The following KIF16B variants were observed in gnomAD, a reference collection of about 807,000 sequenced individuals.
KIF16B encodes the protein kinesin-like protein KIF16B.
KIF16B carries 98 observed loss-of-function variants against 156.3 expected under a neutral mutation model. That is an observed-to-expected ratio of 0.63 (90% CI 0.53 to 0.74). The LOEUF (loss-of-function observed/expected upper bound fraction) is 0.74. Ranked by LOEUF, KIF16B falls within the 30% of genes least tolerant of loss-of-function variation. The pLI is 0.00. For missense variants in KIF16B, 1,421 were observed against 1,606.5 expected, an observed-to-expected ratio of 0.88 and a Z score of 1.97; for synonymous variants, 564 against 583.7, an observed-to-expected ratio of 0.97 and a Z score of 0.49.
chr20:16,403,639 T>C (rs890522052), intron 17 of KIF16B, among the ~76,000 whole-genome samples: 1 of 152,166 alleles, frequency 6.6e-6, no homozygotes, highest in Non-Finnish European at 1.5e-5. Context: ...CTGTACTACA[T>C]GGCTTTTTTT....
intron 1 of KIF16B, among the ~76,000 whole-genome samples, chr20:16,556,710 C>T (rs2070863593): frequency 1.3e-5 from 2 of 152,164 alleles, no homozygotes; most frequent in South Asian, 4.1e-4. Context: ...ATGTTCCAGG[C>T]ATGCTCCTGA....
intron 15 of KIF16B, among the ~76,000 whole-genome samples, chr20:16,425,615 T>C (rs1429125565): frequency 6.6e-6 from 1 of 152,030 alleles, no homozygotes; most frequent in Non-Finnish European, 1.5e-5. Flanking sequence ...TACTTACTAA[T>C]AACAAAGAAG....
intron 3 of KIF16B, among the ~76,000 whole-genome samples, chr20:16,520,516 G>A (rs1600611409): frequency 6.6e-6 from 1 of 152,330 alleles, no homozygotes; most frequent in East Asian, 1.9e-4. Flanking sequence ...TGAAAGAAAG[G>A]CAGTAGCCCC....
intron 12 of KIF16B, among the ~76,000 whole-genome samples, chr20:16,487,659 A>G (rs189326326): frequency 2.1e-4 from 32 of 152,358 alleles, no homozygotes; most frequent in African/African-American, 7.0e-4. Flanking sequence ...GCCGGAAAAG[A>G]ATCCCAATTT....
intron 12 of KIF16B, among the ~76,000 whole-genome samples, chr20:16,484,561 T>C (rs1568589590): frequency 6.6e-6 from 1 of 152,200 alleles, no homozygotes; most frequent in Admixed American, 6.5e-5. Context: ...GCATACTATA[T>C]AAAGTACAGT....
At chr20:16,445,418 A>ATG (rs1190103930) in intron 12 of KIF16B, among the ~76,000 whole-genome samples, 5 of 91,154 alleles carry the variant, frequency 5.5e-5, no homozygotes, top group Admixed American at 2.4e-4. Flanking sequence ...ACATGTATAT[A>ATG]CGTGTGTGTG....
At chr20:16,502,133 A>G (rs1450623952) in intron 10 of KIF16B, among the ~76,000 whole-genome samples, 3 of 152,198 alleles carry the variant, frequency 2.0e-5, no homozygotes, top group Non-Finnish European at 4.4e-5. Flanking sequence ...TCTGATGCAC[A>G]TGACTTTTTG....
intron 1 of KIF16B, among the ~76,000 whole-genome samples, chr20:16,540,292 G>C (rs1175067432): frequency 2.0e-5 from 3 of 152,196 alleles, no homozygotes; most frequent in Non-Finnish European, 4.4e-5. Flanking sequence ...TCACAGTGGT[G>C]ACCTCTGGAG....
intron 17 of KIF16B, among the ~76,000 whole-genome samples, chr20:16,393,931 T>C (rs1304381456): frequency 3.3e-5 from 5 of 152,128 alleles, no homozygotes; most frequent in African/African-American, 7.2e-5. Context: ...GAAGCAAAAA[T>C]GAATGTGTAC....
intron 12 of KIF16B, among the ~76,000 whole-genome samples, chr20:16,486,875 T>C (rs748325653): frequency 6.6e-6 from 1 of 152,148 alleles, no homozygotes; most frequent in Non-Finnish European, 1.5e-5. Flanking sequence ...TCATCTAAAA[T>C]CTAGGAGAAA....
intron 25 of KIF16B, among the ~76,000 whole-genome samples, chr20:16,295,550 CTTA>C (rs759162428): frequency 1.5e-4 from 22 of 149,812 alleles, no homozygotes; most frequent in East Asian, 7.8e-4. Context: ...ATAATTATAT[CTTA>C]TTATACTATG....
intron 12 of KIF16B, among the ~76,000 whole-genome samples, chr20:16,465,547 C>T (rs2067466692): frequency 6.6e-6 from 1 of 152,196 alleles, no homozygotes; most frequent in Admixed American, 6.5e-5. Flanking sequence ...CACATTCCTA[C>T]ATAAATACAC....
At chr20:16,427,346 C>T in intron 14 of KIF16B, 105 bp from the exon 15 acceptor site, 1 of 1,095,354 alleles carries the variant, frequency 9.1e-7, no homozygotes, top group South Asian at 1.7e-5. Flanking sequence ...GAATACTCTT[C>T]CTTTTCCACA....
At chr20:16,566,595 C>T (rs1227221454) in intron 1 of KIF16B, among the ~76,000 whole-genome samples, 1 of 152,140 alleles carries the variant, frequency 6.6e-6, no homozygotes, top group Admixed American at 6.5e-5. Flanking sequence ...ACCATTCCAG[C>T]CCCACGAGGT....
At chr20:16,401,478 A>G (rs1055827420) in intron 17 of KIF16B, among the ~76,000 whole-genome samples, 2 of 152,216 alleles carry the variant, frequency 1.3e-5, no homozygotes, top group African/African-American at 4.8e-5. Context: ...TCCACGCCCA[A>G]AGAAATTTTA....
At chr20:16,397,839 A>G (rs2146213620) in intron 17 of KIF16B, among the ~76,000 whole-genome samples, 1 of 152,340 alleles carries the variant, frequency 6.6e-6, no homozygotes, top group Admixed American at 6.5e-5. Flanking sequence ...CACAGGGACC[A>G]CTGACAAAAG....
At chr20:16,497,528 C>G in intron 11 of KIF16B, 85 bp downstream of exon 11, 1 of 1,086,482 alleles carries the variant, frequency 9.2e-7, no homozygotes, top group East Asian at 2.5e-5. Context: ...AAGAAGGCAT[C>G]TCAAACGGCA....
rs145608681 is a variant in KIF16B at position 16,373,596 on chromosome 20, T to G, written c.3350+661A>C. 8.6e-3 allele frequency among the ~76,000 whole-genome samples: 1,309 copies of G among 152,328 alleles called. 14 individuals carry two copies. The highest frequency in any genetic ancestry group is 0.016 in the Admixed American group (246 of 15,306). On this transcript the variant is annotated intron_variant, in intron 20 of 25. Coordinates refer to ENST00000354981, the MANE Select transcript of KIF16B (RefSeq NM_024704.5). ...TATACTAGTAGTTTTTATAACAAACTTCATCTATTTGTAATCCATGACACA... is the reference window on the plus strand; with the variant it reads ...TATACTAGTAGTTTTTATAACAAACGTCATCTATTTGTAATCCATGACACA...
intron 12 of KIF16B, among the ~76,000 whole-genome samples, chr20:16,457,792 CAG>C (rs2067249247): frequency 6.6e-6 from 1 of 151,662 alleles, no homozygotes; most frequent in Non-Finnish European, 1.5e-5. Flanking sequence ...GGACTTGAAA[CAG>C]GGCAAAAAAA....
Sources: gnomAD v4.1 joint callset for allele counts (sites outside exome capture counted in the v4.1 genomes callset) on GRCh38, gnomAD v4.1.1 for gene constraint, MANE v1.5 for transcripts, NCBI Gene and HGNC (gene_info 2026-07-23, HGNC 2026-07-21) for gene names.